Variants in EFCAB6 observed in about 807,000 individuals in gnomAD.
EFCAB6 encodes the protein EF-hand calcium binding domain 6, also known as EF-hand calcium-binding domain-containing protein 6.
In EFCAB6, 156 loss-of-function variants were observed where a neutral mutation model predicts 169.8. The observed-to-expected ratio is 0.92, with a 90% CI of 0.81 to 1.05. The LOEUF is 1.05. Ranked by LOEUF, EFCAB6 falls within the 50% of genes least tolerant of loss-of-function variation. EFCAB6 has a pLI of 0.00. For synonymous variants in EFCAB6, 698 were observed against 676.4 expected, an observed-to-expected ratio of 1.03 and a Z score of -0.50; for missense variants, 1,800 against 1,829.1, an observed-to-expected ratio of 0.98 and a Z score of 0.29.
intron 6 of EFCAB6, among the ~76,000 whole-genome samples, chr22:43,743,105 T>A (rs942752149): frequency 6.6e-6 from 1 of 152,132 alleles, no homozygotes; most frequent in African/African-American, 2.4e-5. Context: ...AAAATAAAAA[T>A]AACAAATTTT....
At position 43,755,977 on chromosome 22, in the gene EFCAB6, G is replaced by C. The variant is rs1397447470; in HGVS notation, c.441-145C>G. On this transcript the variant is annotated intron_variant, in intron 5 of 31. Transcript: ENST00000262726. ...TTCTTACAAGCTACTGTCTGCAGGA[G>C]CATGAAACTGGGCAAATTACTTTGT... 3.8e-6 allele frequency: 3 copies of C among 799,958 alleles called. No homozygotes were observed. The Admixed American group carries it at 1.0e-4, about 28-fold the overall frequency. 49.6% of individuals were successfully genotyped at this position (799,958 alleles called of 1,614,324 possible). A position where few individuals can be genotyped will look rare whatever the true frequency, so the allele number is the denominator to read the frequency against.
Position 43,718,751 on chromosome 22 carries a change from AG to A in EFCAB6, c.758-1780del, listed in dbSNP as rs1440785968. On this transcript the variant is annotated intron_variant, in intron 8 of 31. Coordinates refer to ENST00000262726, the MANE Select transcript of EFCAB6 (RefSeq NM_022785.4). ...AGCTGAGATCATGCCACTGCACTCT[AG>A]CCTGGTGACAGAGAGAGGCTCCACC... Among the ~76,000 whole-genome samples, 5 of 152,338 alleles carry A rather than the reference AG, an allele frequency of 3.3e-5. No homozygotes were observed. The East Asian group carries it at 9.6e-4, about 29-fold the overall frequency.
intron 6 of EFCAB6, among the ~76,000 whole-genome samples, chr22:43,753,663 G>A (rs377048414): frequency 6.6e-6 from 1 of 152,180 alleles, no homozygotes; most frequent in Non-Finnish European, 1.5e-5. Flanking sequence ...CTGTGAAGAA[G>A]AGAGAGGCTG....
chr22:43,664,004 C>A (rs530912043), intron 17 of EFCAB6, among the ~76,000 whole-genome samples: 5 of 152,350 alleles, frequency 3.3e-5, no homozygotes, highest in African/African-American at 1.2e-4. Flanking sequence ...CTTTCTCCTC[C>A]CTGTGGGCAT....
At chr22:43,774,796 G>A (rs1267876876) in intron 3 of EFCAB6, among the ~76,000 whole-genome samples, 1 of 151,784 alleles carries the variant, frequency 6.6e-6, no homozygotes, top group Admixed American at 6.6e-5. Flanking sequence ...AAGGGGGATG[G>A]GGGTGGGGAC....
At chr22:43,734,566 T>G (rs904591615) in intron 7 of EFCAB6, among the ~76,000 whole-genome samples, 26 of 152,224 alleles carry the variant, frequency 1.7e-4, no homozygotes, top group Admixed American at 1.0e-3. Flanking sequence ...ACTGTTTTGT[T>G]TTTTGATTGC....
At chr22:43,605,115 T>C (rs2052816616) in intron 22 of EFCAB6, among the ~76,000 whole-genome samples, 1 of 152,194 alleles carries the variant, frequency 6.6e-6, no homozygotes, top group South Asian at 2.1e-4. Flanking sequence ...CGACACCCTG[T>C]GCCTGGCCTT....
At chr22:43,686,175 T>C (rs2058188122) in intron 11 of EFCAB6, among the ~76,000 whole-genome samples, 1 of 152,204 alleles carries the variant, frequency 6.6e-6, no homozygotes, top group Non-Finnish European at 1.5e-5. Context: ...AGATGGGGTT[T>C]CTCCATGTTG....
At position 43,600,788 on chromosome 22, in the gene EFCAB6, C is replaced by T. The variant is rs545161827; in HGVS notation, c.2682-525G>A. ...AAGTGATTCTCCTGCCTCAGCCTCC[C>T]GAGTAGCTGGGATTACAGCGCCGGC... On this transcript the variant is annotated intron_variant, in intron 22 of 31. Coordinates refer to ENST00000262726, the MANE Select transcript of EFCAB6 (RefSeq NM_022785.4). 5.9e-5 allele frequency among the ~76,000 whole-genome samples: 9 copies of T among 152,230 alleles called. No individual in the cohort carries two copies. In the South Asian group the frequency reaches 6.2e-4, roughly 11 times the overall value.
At chr22:43,668,722 CCT>C (rs2057362202) in intron 16 of EFCAB6, 148 bp downstream of exon 16, 1 of 676,744 alleles carries the variant, frequency 1.5e-6, no homozygotes, top group Non-Finnish European at 2.1e-6. Flanking sequence ...TCTAAAATTC[CCT>C]GACTCTAATT....
At chr22:43,647,290 A>T (rs1281379272) in intron 17 of EFCAB6, among the ~76,000 whole-genome samples, 2 of 152,244 alleles carry the variant, frequency 1.3e-5, no homozygotes, top group African/African-American at 4.8e-5. Flanking sequence ...ATTTGGTTGT[A>T]TAAAAACTGA....
chr22:43,655,324 GA>G lies in EFCAB6; in HGVS notation c.1983+11779del, dbSNP rs1354047819. Among the ~76,000 whole-genome samples, 3 of 152,104 alleles carry G rather than the reference GA, an allele frequency of 2.0e-5. No individual in the cohort carries two copies. In the East Asian group the frequency reaches 5.8e-4, roughly 29 times the overall value. ...AAAACAACTATCACACAAAAGAGAA[GA>G]GGGGCTAAAGGGAGTATTTTAAAAA... is the stretch of plus-strand genomic sequence containing the variant. On this transcript the variant is annotated intron_variant, in intron 17 of 31. Coordinates refer to ENST00000262726, the MANE Select transcript of EFCAB6 (RefSeq NM_022785.4).
At chr22:43,706,354 C>A (rs765249461) in intron 10 of EFCAB6, among the ~76,000 whole-genome samples, 1 of 152,224 alleles carries the variant, frequency 6.6e-6, no homozygotes, top group Non-Finnish European at 1.5e-5. Context: ...AGAAGTAGTT[C>A]CTCTTTGTTA....
chr22:43,660,977 A>G (rs1409122573), intron 17 of EFCAB6, among the ~76,000 whole-genome samples: 1 of 152,232 alleles, frequency 6.6e-6, no homozygotes, highest in Non-Finnish European at 1.5e-5. Flanking sequence ...AGGGGAAGAG[A>G]AACAATTCAG....
intron 18 of EFCAB6, among the ~76,000 whole-genome samples, chr22:43,633,529 A>G (rs1022696674): frequency 3.3e-5 from 5 of 152,318 alleles, no homozygotes; most frequent in Admixed American, 1.3e-4. Context: ...GCCTGGTGAC[A>G]GAGTGAGACT....
At chr22:43,689,708 G>A (rs374158747) in intron 10 of EFCAB6, among the ~76,000 whole-genome samples, 1 of 152,252 alleles carries the variant, frequency 6.6e-6, no homozygotes, top group East Asian at 1.9e-4. Flanking sequence ...CCGAAACTTA[G>A]TTTACAAAAT....
intron 17 of EFCAB6, 142 bp downstream of exon 17, chr22:43,666,962 A>T: frequency 8.6e-7 from 1 of 1,166,758 alleles, no homozygotes; most frequent in Non-Finnish European, 1.2e-6. Context: ...GCCAAAAAAA[A>T]AAATCCTTTT....
rs2061850202 is a variant in EFCAB6 at position 43,782,277 on chromosome 22, A to T, written c.42T>A (p.His14Gln). ...MAIIPDWLRS[H>Q]PHTRKFTHSR... ...AATGTGTAAATTTTCGTGTGTGAGG[A>T]TGCGACCTAAGCCAGTCTGGTATAA... is the stretch of plus-strand genomic sequence containing the variant. The change falls in exon 3 of 32, where the codon CAT becomes CAA. Residue 14 changes from histidine to glutamine, a missense_variant. Coordinates refer to ENST00000262726, the MANE Select transcript of EFCAB6 (RefSeq NM_022785.4). 6.2e-7 allele frequency: 1 copy of T among 1,614,022 alleles called. No homozygotes were observed. Among genetic ancestry groups the T allele is most frequent in the Non-Finnish European group, 8.5e-7 (1 of 1,180,014 alleles).
At chr22:43,800,328 G>C (rs770024226) in intron 2 of EFCAB6, among the ~76,000 whole-genome samples, 11 of 152,184 alleles carry the variant, frequency 7.2e-5, no homozygotes, top group Non-Finnish European at 1.3e-4. Context: ...CAACCTAGCA[G>C]TAAAGAACCT....
Sources: allele counts gnomAD v4.1 joint callset (sites outside exome capture counted in the v4.1 genomes callset), GRCh38; gene constraint gnomAD v4.1.1; transcripts MANE v1.5; gene names NCBI Gene and HGNC (gene_info 2026-07-23, HGNC 2026-07-21).